PTK7: variants seen among roughly 807,000 people sequenced by gnomAD.
The protein encoded by PTK7 is inactive tyrosine-protein kinase 7.
A neutral mutation model predicts 116.6 loss-of-function variants in PTK7; 39 were observed. The observed-to-expected ratio is 0.33, with a 90% CI of 0.26 to 0.44. PTK7 has a LOEUF of 0.44. Ranked by LOEUF, PTK7 falls within the 20% of genes least tolerant of loss-of-function variation. PTK7 has a pLI of 1.00. For missense variants in PTK7, 1,169 were observed against 1,425.6 expected, an observed-to-expected ratio of 0.82 and a Z score of 2.90; for synonymous variants, 546 against 563.6, an observed-to-expected ratio of 0.97 and a Z score of 0.44.
intron 1 of PTK7, among the ~76,000 whole-genome samples, chr6:43,089,321 C>T (rs1766822161): frequency 6.6e-6 from 1 of 152,186 alleles, no homozygotes; most frequent in Admixed American, 6.5e-5. Flanking sequence ...AAAGGGACAA[C>T]TCTAGTGATC....
intron 17 of PTK7, among the ~76,000 whole-genome samples, chr6:43,147,589 C>T (rs904980757): frequency 2.0e-5 from 3 of 152,186 alleles, no homozygotes; most frequent in African/African-American, 7.2e-5. Context: ...CATTCCTTGC[C>T]TGCTAGGCTG....
chr6:43,159,838 C>T lies in PTK7; in HGVS notation c.2924C>T (p.Pro975Leu). 2 of 1,614,190 alleles carry T rather than the reference C, an allele frequency of 1.2e-6. No homozygotes were observed. Among genetic ancestry groups the T allele is most frequent in the Non-Finnish European group, 1.7e-6 (2 of 1,180,032 alleles). Residue 975 changes from proline (P) to leucine (L), a missense_variant, in exon 19 of 20, where the codon CCC becomes CTC. Pro to Leu is a moderately conservative substitution (Grantham distance 98). This residue lies in a region of PTK7 where 678 missense variants were observed against 853.8 expected (regional missense o/e 0.79). Coordinates refer to ENST00000230419, the MANE Select transcript of PTK7 (RefSeq NM_002821.5). The stretch of plus-strand genomic sequence containing the variant: ...TGGGTGCCGCTGCGCTGGATGTCCC[C>T]CGAGGCCATCCTGGAGGGTGACTTC... ...QAWVPLRWMS[P>L]EAILEGDFST...
chr6:43,155,995 G>C (rs188477541), intron 17 of PTK7, among the ~76,000 whole-genome samples: 40 of 152,242 alleles, frequency 2.6e-4, no homozygotes, highest in Admixed American at 2.6e-3. Context: ...TTGGGAGGCT[G>C]AGGCAGGCTG....
chr6:43,094,008 A>G (rs1767099891), intron 1 of PTK7, among the ~76,000 whole-genome samples: 1 of 152,236 alleles, frequency 6.6e-6, no homozygotes, highest in Admixed American at 6.5e-5. Flanking sequence ...TTATACTTCT[A>G]CGCAAAGGAA....
intron 1 of PTK7, 65 bp from the exon 2 acceptor site, chr6:43,128,912 G>A (rs1769459808): frequency 1.3e-6 from 2 of 1,492,370 alleles, no homozygotes; most frequent in African/African-American, 2.8e-5. Context: ...TGCACAAGGT[G>A]GCCTGTGTTA....
chr6:43,141,640 C>A lies in PTK7; in HGVS notation c.1619-28C>A. On this transcript the variant is annotated intron_variant, in intron 10 of 19. Transcript: ENST00000230419. This position sits in a 1 kb window ranked among gnomAD's most constrained non-coding sequence, Gnocchi z 4.9. ...GCTGTCTGTGTAACCCTGATCCTTCCCATAATTTCCCTTTGTTACCCCTGC... is the reference window on the plus strand; with the variant it reads ...GCTGTCTGTGTAACCCTGATCCTTCACATAATTTCCCTTTGTTACCCCTGC... 1.2e-6 allele frequency: 2 copies of A among 1,609,592 alleles called. No individual in the cohort carries two copies. Among genetic ancestry groups the A allele is most frequent in the Non-Finnish European group, 1.7e-6 (2 of 1,176,816 alleles).
Position 43,139,375 on chromosome 6 carries a change from T to A in PTK7, c.1499-31T>A. On this transcript the variant is annotated intron_variant, in intron 9 of 19. Transcript: ENST00000230419. This position sits in a 1 kb window ranked among gnomAD's most constrained non-coding sequence, Gnocchi z 4.6. ...CGGCCTCTCCAGCGGCCCCAATTCCTCGTCTTTCTACCCACCCTCTGCTGA... is the reference window on the plus strand; with the variant it reads ...CGGCCTCTCCAGCGGCCCCAATTCCACGTCTTTCTACCCACCCTCTGCTGA... The A allele has an allele frequency of 6.2e-7, 1 of 1,614,072 alleles. No individual in the cohort carries two copies. The highest frequency in any genetic ancestry group is 8.5e-7 in the Non-Finnish European group (1 of 1,179,918).
At chr6:43,112,227 G>C (rs931123047) in intron 1 of PTK7, among the ~76,000 whole-genome samples, 1 of 151,688 alleles carries the variant, frequency 6.6e-6, no homozygotes, top group Non-Finnish European at 1.5e-5. Context: ...GAGAGCAGGT[G>C]TTGCTGCTAG....
Position 43,139,175 on chromosome 6 carries a change from A to T in PTK7, c.1402A>T (p.Ile468Phe), listed in dbSNP as rs1361311619. The change falls in exon 9 of 20, where the codon ATC (isoleucine) becomes TTC (phenylalanine). Residue 468 changes from isoleucine (I) to phenylalanine (F), a missense_variant. By Grantham distance (21) the Ile-to-Phe change is conservative. Coordinates refer to ENST00000230419, the MANE Select transcript of PTK7 (RefSeq NM_002821.5). This position sits in a 1 kb window ranked among gnomAD's most constrained non-coding sequence, Gnocchi z 4.6. ...GGTCTTCAAGAATGGGACCTTGCGC[A>T]TCAACAGCGTGGAGGTGTATGATGG... is the stretch of plus-strand genomic sequence containing the variant. The part of the protein sequence containing the change: ...FEVFKNGTLR[I>F]NSVEVYDGTW... The T allele has an allele frequency of 6.2e-7, 1 of 1,614,216 alleles. No homozygotes were observed. Among genetic ancestry groups the T allele is most frequent in the South Asian group, 1.1e-5 (1 of 91,084 alleles).
chr6:43,079,590 C>CTTTTG lies in PTK7; in HGVS notation c.79+3036_79+3040dup, dbSNP rs747027037. Among the ~76,000 whole-genome samples the CTTTTG allele has an allele frequency of 8.6e-5, 13 of 152,022 alleles. No individual in the cohort carries two copies. In the Middle Eastern group the frequency reaches 0.01, roughly 120 times the overall value. On this transcript the variant is annotated intron_variant, in intron 1 of 19. Coordinates refer to ENST00000230419, the MANE Select transcript of PTK7 (RefSeq NM_002821.5). ...AACGTACACACAACTTCCCTGTATACTTTTGTTTTGTTTTGTTATGAGACA... is the reference window on the plus strand; with the variant it reads ...AACGTACACACAACTTCCCTGTATACTTTTGTTTTGTTTTGTTTTGTTATGAGACA...
chr6:43,125,306 T>C (rs1222855054), intron 1 of PTK7, among the ~76,000 whole-genome samples: 1 of 152,174 alleles, frequency 6.6e-6, no homozygotes, highest in African/African-American at 2.4e-5. Context: ...GCCCAGTCGT[T>C]GGGGCACAGG....
At chr6:43,085,933 CAAA>C (rs752791085) in intron 1 of PTK7, among the ~76,000 whole-genome samples, 13 of 72,374 alleles carry the variant, frequency 1.8e-4, no homozygotes, top group Non-Finnish European at 1.6e-4. Flanking sequence ...AACTCTGTCT[CAAA>C]AAAAAAAAAA....
intron 1 of PTK7, among the ~76,000 whole-genome samples, chr6:43,105,974 A>G (rs1446774390): frequency 6.6e-6 from 1 of 152,190 alleles, no homozygotes; most frequent in East Asian, 1.9e-4. Flanking sequence ...ATTATCCCGT[A>G]GCCGTGCCTT....
chr6:43,144,154 C>T (rs1204006382), intron 14 of PTK7: 1 of 373,842 alleles, frequency 2.7e-6, no homozygotes, highest in Non-Finnish European at 4.9e-6. Flanking sequence ...AAGCAAAAAT[C>T]CTTATGTGTA....
At position 43,086,908 on chromosome 6, in the gene PTK7, G is replaced by A. The variant is rs555319348; in HGVS notation, c.79+10341G>A. Among the ~76,000 whole-genome samples the A allele has an allele frequency of 2.6e-5, 4 of 152,278 alleles. No individual in the cohort carries two copies. In the East Asian group the frequency reaches 5.8e-4, roughly 22 times the overall value. ...CAGGTAGATGCAGTCCTGCACCAGGGTTCAGGCAGTATTTCAGTGTTGACT... is the reference window on the plus strand; with the variant it reads ...CAGGTAGATGCAGTCCTGCACCAGGATTCAGGCAGTATTTCAGTGTTGACT... On this transcript the variant is annotated intron_variant, in intron 1 of 19. Coordinates refer to ENST00000230419, the MANE Select transcript of PTK7 (RefSeq NM_002821.5).
intron 1 of PTK7, among the ~76,000 whole-genome samples, chr6:43,086,962 A>T (rs1353089603): frequency 2.0e-5 from 3 of 152,270 alleles, no homozygotes; most frequent in Non-Finnish European, 4.4e-5. Context: ...AGCAGTGCAC[A>T]ACCTGTACAG....
intron 1 of PTK7, among the ~76,000 whole-genome samples, chr6:43,083,973 A>G (rs1479492937): frequency 1.3e-5 from 2 of 152,134 alleles, no homozygotes; most frequent in East Asian, 3.9e-4. Flanking sequence ...TATTGATGAA[A>G]AGTTTAGTTT....
At position 43,145,463 on chromosome 6, in the gene PTK7, C is replaced by T. The variant is rs549569805; in HGVS notation, c.2640+31C>T. ...CTGTTGGCAGGGGACGTGGGGGTCT[C>T]GGGTAGGGAGGGCAGTGTCCTACAA... is the stretch of plus-strand genomic sequence containing the variant. On this transcript the variant is annotated intron_variant, in intron 16 of 19. Coordinates refer to ENST00000230419, the MANE Select transcript of PTK7 (RefSeq NM_002821.5). The surrounding 1 kb of genome is among the most constrained non-coding windows in gnomAD (Gnocchi z 4.8). The T allele has an allele frequency of 8.1e-6, 12 of 1,486,374 alleles. No homozygotes were observed. Among genetic ancestry groups the T allele is most frequent in the South Asian group, 1.4e-5 (1 of 73,534 alleles). 92.1% of individuals were successfully genotyped at this position (1,486,374 alleles called of 1,614,324 possible).
chr6:43,077,425 T>C (rs1290212731), intron 1 of PTK7, among the ~76,000 whole-genome samples: 2 of 150,652 alleles, frequency 1.3e-5, no homozygotes, highest in Non-Finnish European at 3.0e-5. Flanking sequence ...TGGCTTTTCT[T>C]GGGGGGGGGC....
Sources: gnomAD v4.1 joint callset for allele counts (sites outside exome capture counted in the v4.1 genomes callset) on GRCh38, gnomAD v4.1.1 for gene constraint, gnomAD v4.1.1 regional missense constraint, Gnocchi (gnomAD v3.1) non-coding constraint, MANE v1.5 for transcripts, NCBI Gene and HGNC (gene_info 2026-07-23, HGNC 2026-07-21) for gene names.